Variants in KCNU1 observed in about 807,000 individuals in gnomAD.
KCNU1 encodes potassium calcium-activated channel subfamily U member 1.
Under a neutral mutation model 126.8 loss-of-function variants are expected in KCNU1, and 93 were observed. That is an observed-to-expected ratio of 0.73 (90% CI 0.62 to 0.87). The LOEUF is 0.87. KCNU1 is among the 40% of genes least tolerant of loss of function. KCNU1 has a pLI of 0.00. For missense variants in KCNU1, 1,330 were observed against 1,367.1 expected (o/e 0.97, Z 0.43); for synonymous variants, 523 against 494.2 (o/e 1.06, Z -0.77).
At chr8:36,914,522 C>T (rs1808020890) in intron 22 of KCNU1, among the ~76,000 whole-genome samples, 1 of 152,080 alleles carries the variant, frequency 6.6e-6, no homozygotes. Flanking sequence ...TAATGATAAA[C>T]ATAAATGCGA....
At chr8:36,921,685 A>G (rs1328774843) in intron 23 of KCNU1, among the ~76,000 whole-genome samples, 1 of 145,640 alleles carries the variant, frequency 6.9e-6, no homozygotes, top group Non-Finnish European at 1.5e-5. Context: ...AAAAAAGAAG[A>G]GTCTAGGAAC....
chr8:36,846,607 G>T (rs1456238178), intron 18 of KCNU1, among the ~76,000 whole-genome samples: 1 of 152,078 alleles, frequency 6.6e-6, no homozygotes, highest in African/African-American at 2.4e-5. Flanking sequence ...TTCAAGACCA[G>T]CCTGGCCAAG....
chr8:36,907,350 C>T (rs961640485), intron 20 of KCNU1, among the ~76,000 whole-genome samples: 2 of 152,172 alleles, frequency 1.3e-5, no homozygotes, highest in African/African-American at 4.8e-5. Context: ...GAAATTGCCT[C>T]TCTAGCTGTG....
At chr8:36,882,448 ATTCCTG>A (rs1806522717) in intron 19 of KCNU1, among the ~76,000 whole-genome samples, 1 of 152,204 alleles carries the variant, frequency 6.6e-6, no homozygotes, top group South Asian at 2.1e-4. Context: ...GAATTTCTGT[ATTCCTG>A]TGAGAGATAC....
At chr8:36,930,227 C>T (rs1808658633) in intron 24 of KCNU1, among the ~76,000 whole-genome samples, 1 of 151,964 alleles carries the variant, frequency 6.6e-6, no homozygotes. Flanking sequence ...AATGCCTGGT[C>T]CACAATGAAT....
At chr8:36,907,089 A>G (rs148914674) in intron 20 of KCNU1, among the ~76,000 whole-genome samples, 63 of 152,276 alleles carry the variant, frequency 4.1e-4, no homozygotes, top group African/African-American at 1.3e-3. Context: ...CAGAATACCA[A>G]CCAGGTCTTT....
intron 11 of KCNU1, 76 bp from the exon 12 acceptor site, chr8:36,834,710 G>A: frequency 1.1e-6 from 1 of 885,158 alleles, no homozygotes; most frequent in South Asian, 1.6e-5. Context: ...AAAATTGTTA[G>A]AAAACCCGAA....
chr8:36,909,358 A>G lies in KCNU1; in HGVS notation c.2154A>G (p.Ala718=), dbSNP rs753466289. The part of the protein sequence containing the change: ...SKYKFRNHIV[A]CVFGDAHSAP... The stretch of plus-strand genomic sequence containing the variant: ...ATAAGTTTCGGAACCATATTGTAGC[A>G]TGTGTATTTGGAGATGCCCACTCAG... Residue 718 remains alanine (A), a synonymous_variant, in exon 21 of 27, where the codon GCA becomes GCG. Coordinates refer to ENST00000399881, the MANE Select transcript of KCNU1 (RefSeq NM_001031836.3). The G allele has an allele frequency of 3.7e-6, 6 of 1,613,652 alleles. No individual in the cohort carries two copies. Among genetic ancestry groups the G allele is most frequent in the East Asian group, 2.2e-5 (1 of 44,880 alleles).
intron 13 of KCNU1, 125 bp from the exon 14 acceptor site, chr8:36,836,668 T>C (rs1804760432): frequency 2.3e-6 from 2 of 854,998 alleles, no homozygotes; most frequent in Non-Finnish European, 3.6e-6. Context: ...GGCACCACTT[T>C]TGTGTGCAAA....
In KCNU1 at chr8:36,817,647, T is replaced by C; in HGVS notation, c.996-3T>C. 1.3e-6 allele frequency: 2 copies of C among 1,576,462 alleles called. No individual in the cohort carries two copies. Among genetic ancestry groups the C allele is most frequent in the Non-Finnish European group, 1.7e-6 (2 of 1,146,062 alleles). ...ATCCACCTCACCTGTTTTTGCTGCC[T>C]AGGTTTATTGTGGTCTGTGGAAACA... On this transcript the variant is annotated splice_region_variant and splice_polypyrimidine_tract_variant and intron_variant, in intron 9 of 26. Transcript: ENST00000399881.
At chr8:36,863,815 T>C (rs916165301) in intron 18 of KCNU1, among the ~76,000 whole-genome samples, 1 of 152,152 alleles carries the variant, frequency 6.6e-6, no homozygotes, top group Non-Finnish European at 1.5e-5. Flanking sequence ...ATCCTTATAA[T>C]CACCCTTCAA....
chr8:36,911,337 G>A (rs1807867348), intron 22 of KCNU1, among the ~76,000 whole-genome samples: 1 of 152,090 alleles, frequency 6.6e-6, no homozygotes, highest in Admixed American at 6.6e-5. Flanking sequence ...CTTCTAAATG[G>A]AATGCACTTA....
chr8:36,916,979 A>G (rs904031505), intron 22 of KCNU1, among the ~76,000 whole-genome samples: 2 of 152,186 alleles, frequency 1.3e-5, no homozygotes, highest in Non-Finnish European at 2.9e-5. Context: ...CCCTCTGGAA[A>G]CAAACCTCTC....
At chr8:36,921,659 GAAAAAAAAA>G (rs58109120) in intron 23 of KCNU1, among the ~76,000 whole-genome samples, 4 of 97,766 alleles carry the variant, frequency 4.1e-5, no homozygotes, top group African/African-American at 1.6e-4. Flanking sequence ...ATGAAGTGAG[GAAAAAAAAA>G]AAAAAAAAAA....
chr8:36,817,555 G>C, intron 9 of KCNU1, 95 bp from the exon 10 acceptor site: 3 of 573,818 alleles, frequency 5.2e-6, no homozygotes, highest in Non-Finnish European at 9.4e-6. Context: ...ATATTTATTG[G>C]AAACTAAGTT....
At chr8:36,879,238 T>C (rs187734804) in intron 19 of KCNU1, among the ~76,000 whole-genome samples, 1,928 of 139,316 alleles carry the variant, frequency 0.014, 28 homozygotes, top group African/African-American at 0.025. Flanking sequence ...TATATATATA[T>C]ACACACACAT....
At chr8:36,798,189 C>A (rs568199467) in intron 2 of KCNU1, among the ~76,000 whole-genome samples, 1 of 152,164 alleles carries the variant, frequency 6.6e-6, no homozygotes, top group Non-Finnish European at 1.5e-5. Context: ...ACTCCTTCCT[C>A]TTAGGTCTTG....
intron 9 of KCNU1, 123 bp from the exon 10 acceptor site, chr8:36,817,524 AATC>A (rs878957228): frequency 6.3e-6 from 3 of 476,208 alleles, no homozygotes; most frequent in Admixed American, 3.6e-5. Context: ...AAAAAAAAAA[AATC>A]TGGGTGATGC....
chr8:36,928,421 G>T (rs571848575), intron 24 of KCNU1, among the ~76,000 whole-genome samples: 1 of 151,830 alleles, frequency 6.6e-6, no homozygotes, highest in Non-Finnish European at 1.5e-5. Flanking sequence ...CCACTCTCCC[G>T]CTCCCAGCCC....
Sources: gnomAD v4.1 joint callset for allele counts (sites outside exome capture counted in the v4.1 genomes callset) on GRCh38, gnomAD v4.1.1 for gene constraint, MANE v1.5 for transcripts, NCBI Gene and HGNC (gene_info 2026-07-23, HGNC 2026-07-21) for gene names.